KCNQ1: variants seen among roughly 807,000 people sequenced by gnomAD.
KCNQ1 encodes potassium voltage-gated channel subfamily Q member 1, also known as potassium voltage-gated channel subfamily KQT member 1.
A neutral mutation model predicts 72.4 loss-of-function variants in KCNQ1; 49 were observed. The ratio of observed to expected loss-of-function variants is 0.68; its 90% CI spans 0.54 to 0.86. The LOEUF (loss-of-function observed/expected upper bound fraction) is 0.86, where lower values mean the gene tolerates loss of function less well. Ranked by LOEUF, KCNQ1 falls within the 40% of genes least tolerant of loss-of-function variation. The pLI, the probability that KCNQ1 is intolerant of heterozygous loss-of-function variation, is 0.00. For synonymous variants in KCNQ1, 450 were observed against 412.6 expected, an observed-to-expected ratio of 1.09 and a Z score of -1.10; for missense variants, 790 against 945.1, an observed-to-expected ratio of 0.84 and a Z score of 2.15.
chr11:2,572,114 G>A lies in KCNQ1; in HGVS notation c.780+5G>A. On this transcript the variant is annotated splice_donor_5th_base_variant and intron_variant, in intron 5 of 15. Coordinates refer to ENST00000155840, the MANE Select transcript of KCNQ1 (RefSeq NM_000218.3). Reference sequence around the variant, plus strand: ...GTGGTCTTCATCCACCGCCAGGTGGGTGGCCCGGGTTAGGGGTGCGGGGCC... The same window carrying A: ...GTGGTCTTCATCCACCGCCAGGTGGATGGCCCGGGTTAGGGGTGCGGGGCC... The A allele has an allele frequency of 6.2e-7, 1 of 1,608,176 alleles. No individual in the cohort carries two copies.
In KCNQ1 at chr11:2,759,365, G is replaced by T. The variant is rs1846353279; in HGVS notation, c.1515-9479G>T. ...TCCTCCAGCACTCTGGGTTTCCTCT[G>T]CCAAGACCCCCACCCATCTGCCTCT... On this transcript the variant is annotated intron_variant, in intron 11 of 15. Coordinates refer to ENST00000155840, the MANE Select transcript of KCNQ1 (RefSeq NM_000218.3). The surrounding 1 kb of genome is among the most constrained non-coding windows in gnomAD (Gnocchi z 4.4). 6.6e-6 allele frequency among the ~76,000 whole-genome samples: 1 copy of T among 152,090 alleles called. No homozygotes were observed. Among genetic ancestry groups the T allele is most frequent in the Admixed American group, 6.5e-5 (1 of 15,282 alleles).
At chr11:2,823,786 T>C (rs1847786270) in intron 15 of KCNQ1, among the ~76,000 whole-genome samples, 1 of 152,192 alleles carries the variant, frequency 6.6e-6, no homozygotes, top group South Asian at 2.1e-4. Context: ...ACCCCCTGGC[T>C]CTGTGGGGGA....
At position 2,767,015 on chromosome 11, in the gene KCNQ1, A is replaced by G. The variant is rs1419995292; in HGVS notation, c.1515-1829A>G. ...AACATGATCAAACCCTGTCTCTACT[A>G]AAAATACAAAAATTAGCTGGGCATG... On this transcript the variant is annotated intron_variant, in intron 11 of 15. Transcript: ENST00000155840. This position sits in a 1 kb window ranked among gnomAD's most constrained non-coding sequence, Gnocchi z 4.6. Among the ~76,000 whole-genome samples, 1 of 152,182 alleles carries G rather than the reference A, an allele frequency of 6.6e-6. No individual in the cohort carries two copies. The highest frequency in any genetic ancestry group is 2.4e-5 in the African/African-American group (1 of 41,436).
rs898083525 is a variant in KCNQ1 at position 2,652,501 on chromosome 11, G to C, written c.1394-9460G>C. Reference sequence around the variant, plus strand: ...CCTCCCCACCTCTCCAGAGGTTTCTGGGGAATGTCCTGTGAGCTCAACTCT... The same window carrying C: ...CCTCCCCACCTCTCCAGAGGTTTCTCGGGAATGTCCTGTGAGCTCAACTCT... On this transcript the variant is annotated intron_variant, in intron 10 of 15. Coordinates refer to ENST00000155840, the MANE Select transcript of KCNQ1 (RefSeq NM_000218.3). This position sits in a 1 kb window ranked among gnomAD's most constrained non-coding sequence, Gnocchi z 5.9. 1 of 398,420 alleles carries C rather than the reference G, an allele frequency of 2.5e-6. No individual in the cohort carries two copies. Among genetic ancestry groups the C allele is most frequent in the African/African-American group, 2.1e-5 (1 of 48,604 alleles). The allele number at this position is 398,420 out of a possible 1,614,324, so 24.7% of individuals were successfully genotyped here. A position where few individuals can be genotyped will look rare whatever the true frequency, so the allele number is the denominator to read the frequency against.
chr11:2,792,613 G>A (rs767818244), intron 15 of KCNQ1, among the ~76,000 whole-genome samples: 5 of 152,236 alleles, frequency 3.3e-5, no homozygotes, highest in Non-Finnish European at 7.3e-5. Flanking sequence ...GAGGAAGAGC[G>A]TTCTGGGCGG....
Position 2,679,408 on chromosome 11 carries a change from T to TGTAAAATGTAAA in KCNQ1, c.1514+17327_1514+17328insGTAAAATGTAAA. 1 of 398,648 alleles carries TGTAAAATGTAAA rather than the reference T, an allele frequency of 2.5e-6. No homozygotes were observed. Among genetic ancestry groups the TGTAAAATGTAAA allele is most frequent in the South Asian group, 1.3e-4 (1 of 7,860 alleles). The allele number at this position is 398,648 out of a possible 1,614,324, so 24.7% of individuals were successfully genotyped here. A position where few individuals can be genotyped will look rare whatever the true frequency, so the allele number is the denominator to read the frequency against. The stretch of plus-strand genomic sequence containing the variant: ...TTCTTTATTTGTAAAATGGGAATCA[T>TGTAAAATGTAAA]AAGAGTACCTTCCTCAGAGGGTTGT... On this transcript the variant is annotated intron_variant, in intron 11 of 15. Transcript: ENST00000155840. The surrounding 1 kb of genome is among the most constrained non-coding windows in gnomAD (Gnocchi z 4.8).
At position 2,473,878 on chromosome 11, in the gene KCNQ1, A is replaced by T. The variant is rs570538185; in HGVS notation, c.386+28394A>T. 6.6e-6 allele frequency among the ~76,000 whole-genome samples: 1 copy of T among 152,206 alleles called. No individual in the cohort carries two copies. Among genetic ancestry groups the T allele is most frequent in the Non-Finnish European group, 1.5e-5 (1 of 68,010 alleles). On this transcript the variant is annotated intron_variant, in intron 1 of 15. Coordinates refer to ENST00000155840, the MANE Select transcript of KCNQ1 (RefSeq NM_000218.3). The surrounding 1 kb of genome is among the most constrained non-coding windows in gnomAD (Gnocchi z 6.0). ...TGCGCTCACCACTCGCCCTCCACAGATGGGAGCCTGGGAGAGCCCTGCCTC... is the reference window on the plus strand; with the variant it reads ...TGCGCTCACCACTCGCCCTCCACAGTTGGGAGCCTGGGAGAGCCCTGCCTC...
At chr11:2,681,782 C>T (rs949562767) in intron 11 of KCNQ1, 6 of 398,430 alleles carry the variant, frequency 1.5e-5, no homozygotes, top group African/African-American at 4.1e-5. Flanking sequence ...CTGGGAGGAC[C>T]AGAATGGGTA....
intron 10 of KCNQ1, chr11:2,631,837 T>G: frequency 2.5e-6 from 1 of 398,548 alleles, no homozygotes; most frequent in Non-Finnish European, 4.4e-6. Flanking sequence ...GTCGTGTAAA[T>G]AGAGTTGTGT....
At chr11:2,581,745 G>T (rs555021305) in intron 6 of KCNQ1, among the ~76,000 whole-genome samples, 3 of 152,388 alleles carry the variant, frequency 2.0e-5, no homozygotes, top group African/African-American at 7.2e-5. Flanking sequence ...GCACAGACAC[G>T]TGCACGTGTG....
chr11:2,505,299 C>G (rs904919671), intron 1 of KCNQ1, among the ~76,000 whole-genome samples: 1 of 152,068 alleles, frequency 6.6e-6, no homozygotes, highest in Non-Finnish European at 1.5e-5. Context: ...CATTTTACTT[C>G]TATTATTGAT....
At chr11:2,506,848 C>T (rs1338257667) in intron 1 of KCNQ1, among the ~76,000 whole-genome samples, 1 of 152,196 alleles carries the variant, frequency 6.6e-6, no homozygotes, top group Non-Finnish European at 1.5e-5. Flanking sequence ...TTCCCTGTGT[C>T]TAAAAGTCAT....
At chr11:2,806,631 T>G (rs1352803353) in intron 15 of KCNQ1, among the ~76,000 whole-genome samples, 1 of 152,196 alleles carries the variant, frequency 6.6e-6, no homozygotes, top group Non-Finnish European at 1.5e-5. Flanking sequence ...TTCTCTAACC[T>G]GCTCAGCCCC....
chr11:2,676,429 C>T lies in KCNQ1; in HGVS notation c.1514+14348C>T, dbSNP rs1425114984. 2.5e-6 allele frequency: 1 copy of T among 398,622 alleles called. No individual in the cohort carries two copies. The highest frequency in any genetic ancestry group is 4.4e-6 in the Non-Finnish European group (1 of 226,066). 24.7% of individuals were successfully genotyped at this position (398,622 alleles called of 1,614,324 possible). A position where few individuals can be genotyped will look rare whatever the true frequency, so the allele number is the denominator to read the frequency against. ...TTTAGCCCAATGGGCTGGGCTTTTC[C>T]CAGATAGGACATGCTCACTGTTCTG... On this transcript the variant is annotated intron_variant, in intron 11 of 15. Transcript: ENST00000155840. This position sits in a 1 kb window ranked among gnomAD's most constrained non-coding sequence, Gnocchi z 4.2.
intron 2 of KCNQ1, among the ~76,000 whole-genome samples, chr11:2,534,822 C>T (rs2133664422): frequency 6.6e-6 from 1 of 152,368 alleles, no homozygotes; most frequent in East Asian, 1.9e-4. Flanking sequence ...GTTCAGCCAG[C>T]AAATCTTTAT....
intron 2 of KCNQ1, among the ~76,000 whole-genome samples, chr11:2,542,793 GCCGTAT>G (rs1847849701): frequency 6.6e-6 from 1 of 152,186 alleles, no homozygotes; most frequent in African/African-American, 2.4e-5. Flanking sequence ...TCATTGCTGA[GCCGTAT>G]CCCATTGTAC....
intron 11 of KCNQ1, among the ~76,000 whole-genome samples, chr11:2,714,266 C>T (rs905263226): frequency 4.6e-5 from 7 of 152,206 alleles, no homozygotes; most frequent in Admixed American, 4.6e-4. Context: ...CCTGGCAGCC[C>T]ACTCACCTCA....
intron 15 of KCNQ1, among the ~76,000 whole-genome samples, chr11:2,778,385 A>C (rs1168178652): frequency 6.6e-6 from 1 of 152,108 alleles, no homozygotes; most frequent in Non-Finnish European, 1.5e-5. Context: ...TCCTGAGTGG[A>C]GGGTGGCAGA....
intron 2 of KCNQ1, among the ~76,000 whole-genome samples, chr11:2,539,156 C>T (rs1465823802): frequency 6.6e-6 from 1 of 152,168 alleles, no homozygotes; most frequent in Non-Finnish European, 1.5e-5. Context: ...GTGCCTGTTC[C>T]CCATTGCTCC....
Sources: allele counts gnomAD v4.1 joint callset (sites outside exome capture counted in the v4.1 genomes callset), GRCh38; gene constraint gnomAD v4.1.1; non-coding constraint Gnocchi (gnomAD v3.1); transcripts MANE v1.5; gene names NCBI Gene and HGNC (gene_info 2026-07-23, HGNC 2026-07-21).